TOX2: variants seen among roughly 807,000 people sequenced by gnomAD.
The protein encoded by TOX2 is TOX high mobility group box family member 2.
TOX2 carries 15 observed loss-of-function variants against 47.4 expected under a neutral mutation model. The ratio of observed to expected loss-of-function variants is 0.32; its 90% CI spans 0.21 to 0.49. The LOEUF (loss-of-function observed/expected upper bound fraction) is 0.49, where lower values mean the gene tolerates loss of function less well. Among genes scored for constraint, TOX2 ranks in the 20% least tolerant of loss-of-function variants. The probability of loss-of-function intolerance (pLI) is 0.99; values close to 1 mark genes in which losing one functional copy is unlikely to be tolerated. For synonymous variants in TOX2, 290 were observed against 296.6 expected (o/e 0.98, Z 0.23); for missense variants, 622 against 673.1 (o/e 0.92, Z 0.84).
rs1413322135 is a variant in TOX2, at chr20:44,065,601, A to ACAGC, written c.961-102_961-99dup. On this transcript the variant is annotated intron_variant, in intron 6 of 8. Transcript: ENST00000341197. ...TGGTTAGTCCAAGCTCTCTCCCAAG[A>ACAGC]CAGCCAGCCAGCAGCCGTGTCAGTG... is the stretch of plus-strand genomic sequence containing the variant. The ACAGC allele has an allele frequency of 6.7e-6, 9 of 1,337,180 alleles. No homozygotes were observed. The East Asian group carries it at 1.6e-4, about 24-fold the overall frequency. The allele number at this position is 1,337,180 out of a possible 1,614,324, so 82.8% of individuals were successfully genotyped here.
chr20:44,000,614 C>T (rs1195001677), intron 2 of TOX2, among the ~76,000 whole-genome samples: 1 of 151,972 alleles, frequency 6.6e-6, no homozygotes, highest in Non-Finnish European at 1.5e-5. Context: ...TGGAGCTCAG[C>T]AGCATACAGA....
chr20:43,975,452 T>C (rs537400728), intron 2 of TOX2, among the ~76,000 whole-genome samples: 2 of 152,336 alleles, frequency 1.3e-5, no homozygotes, highest in East Asian at 3.9e-4. Context: ...GTCAATTTTA[T>C]AGATGATGCA....
intron 1 of TOX2, among the ~76,000 whole-genome samples, chr20:43,939,952 G>A (rs1483214635): frequency 6.6e-6 from 1 of 152,144 alleles, no homozygotes; most frequent in African/African-American, 2.4e-5. Context: ...GTAGTTAAAG[G>A]GCAGGGAGTC....
At chr20:44,051,174 G>A (rs557595051) in intron 3 of TOX2, 132 bp from the exon 4 acceptor site, 158 of 1,336,772 alleles carry the variant, frequency 1.2e-4, no homozygotes, top group Non-Finnish European at 1.4e-4. Flanking sequence ...AGATTCACCT[G>A]TCAGGGATCG....
At chr20:43,923,479 G>A (rs900553679) in intron 1 of TOX2, among the ~76,000 whole-genome samples, 1 of 152,192 alleles carries the variant, frequency 6.6e-6, no homozygotes, top group Non-Finnish European at 1.5e-5. Flanking sequence ...CAGCAGGCCT[G>A]GGGAGGAGCT....
In TOX2 at chr20:44,054,496, G is replaced by T; in HGVS notation, c.849G>T (p.Met283Ile). 1 of 1,614,100 alleles carries T rather than the reference G, an allele frequency of 6.2e-7. No individual in the cohort carries two copies. ...ACGTGTCCAAAATCGTGGCCTCCATGTGGGACAGCCTGGGAGAGGAACAGA... is the reference window on the plus strand; with the variant it reads ...ACGTGTCCAAAATCGTGGCCTCCATTTGGGACAGCCTGGGAGAGGAACAGA... The part of the protein sequence containing the change: ...FGDVSKIVAS[M>I]WDSLGEEQKQ... Residue 283 changes from methionine to isoleucine, a missense_variant, in exon 5 of 9, where the codon ATG (methionine) becomes ATT (isoleucine). By Grantham distance (10) the Met-to-Ile change is conservative. This residue lies in a region of TOX2 where 294 missense variants were observed against 300.0 expected (regional missense o/e 0.98). Transcript: ENST00000341197.
At chr20:43,988,276 ATGCTG>A (rs2070307769) in intron 2 of TOX2, among the ~76,000 whole-genome samples, 1 of 152,166 alleles carries the variant, frequency 6.6e-6, no homozygotes, top group Non-Finnish European at 1.5e-5. Flanking sequence ...GGTTTTTGTG[ATGCTG>A]TGCTGTGGTG....
chr20:43,950,343 G>A (rs1184064273), intron 1 of TOX2, among the ~76,000 whole-genome samples: 1 of 152,184 alleles, frequency 6.6e-6, no homozygotes, highest in Non-Finnish European at 1.5e-5. Context: ...CAGCCCTCTC[G>A]CCTGCCCTCG....
chr20:43,919,920 A>G (rs568311715), intron 1 of TOX2, among the ~76,000 whole-genome samples: 1 of 152,318 alleles, frequency 6.6e-6, no homozygotes, highest in South Asian at 2.1e-4. Context: ...ATCCAGGTTA[A>G]CACTGATGGA....
rs904066729 is a variant in TOX2, at chr20:43,914,864, AGCCGCCGCC to A, written c.-16_-8del. 2.1e-6 allele frequency: 2 copies of A among 948,028 alleles called. No individual in the cohort carries two copies. The highest frequency in any genetic ancestry group is 2.5e-6 in the Non-Finnish European group (2 of 797,590). The allele number at this position is 948,028 out of a possible 1,614,324, so 58.7% of individuals were successfully genotyped here. On this transcript the variant is annotated 5_prime_UTR_variant, in exon 1 of 9. Transcript: ENST00000341197. This position sits in a 1 kb window ranked among gnomAD's most constrained non-coding sequence, Gnocchi z 4.5. Reference sequence around the variant, plus strand: ...CGCCCGCCCAGGCACTGCCCGCGGGAGCCGCCGCCGCCGCCGCCGCGCCCGCCATGGACG... The same window carrying A: ...CGCCCGCCCAGGCACTGCCCGCGGGAGCCGCCGCCGCGCCCGCCATGGACG...
intron 1 of TOX2, among the ~76,000 whole-genome samples, chr20:43,956,290 C>T (rs931596458): frequency 1.3e-5 from 2 of 152,190 alleles, no homozygotes; most frequent in Non-Finnish European, 2.9e-5. Flanking sequence ...GGTGCAGTGG[C>T]TCAGGCCTGT....
chr20:44,066,701 C>A (rs374343930), intron 7 of TOX2, 29 bp from the exon 8 acceptor site: 34 of 1,613,910 alleles, frequency 2.1e-5, no homozygotes, highest in Non-Finnish European at 2.5e-5. Context: ...CTCTCCTTGG[C>A]TCATGGCCTC....
At chr20:43,989,489 A>G (rs1401497386) in intron 2 of TOX2, among the ~76,000 whole-genome samples, 1 of 152,152 alleles carries the variant, frequency 6.6e-6, no homozygotes, top group Non-Finnish European at 1.5e-5. Flanking sequence ...TAAAAACAGC[A>G]TATATTAGGG....
chr20:43,970,341 AAT>A (rs1301427913), intron 1 of TOX2, among the ~76,000 whole-genome samples: 4 of 152,238 alleles, frequency 2.6e-5, no homozygotes, highest in African/African-American at 9.6e-5. Flanking sequence ...CAGTACCAGG[AAT>A]ATTCATTCTG....
At chr20:43,931,929 C>T (rs1037024980) in intron 1 of TOX2, among the ~76,000 whole-genome samples, 4 of 152,148 alleles carry the variant, frequency 2.6e-5, no homozygotes, top group East Asian at 3.8e-4. Context: ...TATTGGGCAG[C>T]GCAGATACAG....
intron 1 of TOX2, among the ~76,000 whole-genome samples, chr20:43,941,680 T>A (rs1214471574): frequency 6.6e-6 from 1 of 152,148 alleles, no homozygotes; most frequent in African/African-American, 2.4e-5. Context: ...CTCTCAGCTT[T>A]GGTGTTTTCT....
At chr20:44,001,067 T>C (rs140290328) in intron 2 of TOX2, among the ~76,000 whole-genome samples, 87 of 152,292 alleles carry the variant, frequency 5.7e-4, no homozygotes, top group African/African-American at 1.9e-3. Flanking sequence ...TCTTTGCAGA[T>C]TTCCTGTAAG....
Position 43,915,937 on chromosome 20 carries a change from C to G in TOX2, c.99+947C>G, listed in dbSNP as rs983458828. On this transcript the variant is annotated intron_variant, in intron 1 of 8. Transcript: ENST00000341197. This position sits in a 1 kb window ranked among gnomAD's most constrained non-coding sequence, Gnocchi z 7.1. ...ATGGAGGCTTGCGTGCCTGGAACCC[C>G]GAACCCGAGGCGTCAGGTCCCACTG... Among the ~76,000 whole-genome samples the G allele has an allele frequency of 2.2e-4, 33 of 152,376 alleles. No homozygotes were observed. The highest frequency in any genetic ancestry group is 7.9e-4 in the African/African-American group (33 of 41,598).
Position 44,054,176 on chromosome 20 carries a change from G to A in TOX2, c.652-123G>A, listed in dbSNP as rs866063716. Reference sequence around the variant, plus strand: ...GTCTGTCCATTGCCCCCTCCATCGCGCGAGTGGTTATCTGTGCATGAGCAG... The same window carrying A: ...GTCTGTCCATTGCCCCCTCCATCGCACGAGTGGTTATCTGTGCATGAGCAG... On this transcript the variant is annotated intron_variant, in intron 4 of 8. Transcript: ENST00000341197. 645 of 984,986 alleles carry A rather than the reference G, an allele frequency of 6.5e-4. 4 individuals carry two copies. The highest frequency in any genetic ancestry group is 6.2e-3 in the South Asian group (434 of 70,394). The allele number at this position is 984,986 out of a possible 1,614,324, so 61.0% of individuals were successfully genotyped here.
Sources: allele counts gnomAD v4.1 joint callset (sites outside exome capture counted in the v4.1 genomes callset), GRCh38; gene constraint gnomAD v4.1.1; regional missense constraint gnomAD v4.1.1; non-coding constraint Gnocchi (gnomAD v3.1); transcripts MANE v1.5; gene names NCBI Gene and HGNC (gene_info 2026-07-23, HGNC 2026-07-21).